The following SYNE1 variants were observed in gnomAD, a reference collection of about 807,000 sequenced individuals.
SYNE1 encodes the protein nesprin-1.
SYNE1 carries 616 observed loss-of-function variants against 1,111.0 expected under a neutral mutation model. The ratio of observed to expected loss-of-function variants is 0.55; its 90% confidence interval spans 0.52 to 0.59. The LOEUF (loss-of-function observed/expected upper bound fraction) is 0.59. Among genes scored for constraint, SYNE1 ranks in the 20% least tolerant of loss-of-function variants. The probability of loss-of-function intolerance (pLI) is 0.00; values close to 1 mark genes in which losing one functional copy is unlikely to be tolerated. For synonymous variants in SYNE1, 3,855 were observed against 3,825.8 expected (o/e 1.01, Z -0.28); for missense variants, 10,006 against 10,417.0 (o/e 0.96, Z 1.72).
At chr6:152,284,860 C>T (rs190567407) in intron 95 of SYNE1, among the ~76,000 whole-genome samples, 34 of 152,156 alleles carry the variant, frequency 2.2e-4, no homozygotes, top group Middle Eastern at 3.4e-3. Context: ...CAGCATTGAA[C>T]TCTAGTCCAA....
chr6:152,504,658 A>G (rs2154330586), intron 9 of SYNE1, among the ~76,000 whole-genome samples: 1 of 152,358 alleles, frequency 6.6e-6, no homozygotes, highest in South Asian at 2.1e-4. Context: ...AAGTTTATCA[A>G]AGGCATCTAA....
intron 130 of SYNE1, among the ~76,000 whole-genome samples, chr6:152,169,979 T>C (rs915850645): frequency 6.6e-6 from 1 of 152,156 alleles, no homozygotes; most frequent in African/African-American, 2.4e-5. Context: ...AGAAATATAT[T>C]GGTTATGAAT....
intron 3 of SYNE1, among the ~76,000 whole-genome samples, chr6:152,576,231 C>T (rs192584817): frequency 2.4e-3 from 368 of 152,272 alleles, no homozygotes; most frequent in African/African-American, 8.0e-3. Flanking sequence ...ACTTGCTTTG[C>T]GTGAGCCAGT....
chr6:152,211,383 C>T, intron 124 of SYNE1, 111 bp downstream of exon 124: 2 of 863,704 alleles, frequency 2.3e-6, no homozygotes, highest in African/African-American at 1.7e-5. Context: ...GGCCCCACTA[C>T]AGTTCAATTG....
At chr6:152,494,789 G>A (rs1479915521) in intron 11 of SYNE1, among the ~76,000 whole-genome samples, 1 of 152,156 alleles carries the variant, frequency 6.6e-6, no homozygotes, top group Non-Finnish European at 1.5e-5. Flanking sequence ...GGAAGCTGGA[G>A]TCCTTCACTG....
chr6:152,154,202 G>A (rs2152934982), intron 133 of SYNE1, among the ~76,000 whole-genome samples: 1 of 152,246 alleles, frequency 6.6e-6, no homozygotes, highest in South Asian at 2.1e-4. Context: ...CAGCTGAGAA[G>A]TCAGAGCTTC....
At chr6:152,586,967 C>T (rs982900761) in intron 3 of SYNE1, among the ~76,000 whole-genome samples, 3 of 152,102 alleles carry the variant, frequency 2.0e-5, no homozygotes, top group Non-Finnish European at 4.4e-5. Flanking sequence ...GAAAGAAAAT[C>T]GGTCTGTATT....
At chr6:152,426,856 G>A (rs1252574011) in intron 38 of SYNE1, among the ~76,000 whole-genome samples, 2 of 152,172 alleles carry the variant, frequency 1.3e-5, no homozygotes, top group African/African-American at 4.8e-5. Flanking sequence ...TTAAAGGTGG[G>A]GCCACAGATT....
Position 152,350,313 on chromosome 6 carries a change from G to A in SYNE1, c.11756C>T (p.Ala3919Val), listed in dbSNP as rs114367594. The change falls in exon 72 of 146, where the codon GCG becomes GTG. Residue 3919 changes from alanine (A) to valine (V), a missense_variant. This residue lies in a region of SYNE1 where 4,955 missense variants were observed against 5,017.2 expected (regional missense o/e 0.99). Transcript: ENST00000367255. ...GTAGTCTTCATGGTCTTTGACTTTC[G>A]CCTCCAGACTGAAGACATGCTCCTG... The part of the protein sequence containing the change: ...IGKEHVFSLE[A>V]KVKDHEDYNS... 7.1e-4 allele frequency: 1,152 copies of A among 1,614,052 alleles called. 8 individuals carry two copies. In the African/African-American group the frequency reaches 0.013, roughly 18 times the overall value.
intron 3 of SYNE1, among the ~76,000 whole-genome samples, chr6:152,608,951 A>AT (rs947437963): frequency 1.4e-5 from 1 of 70,916 alleles, no homozygotes; most frequent in African/African-American, 6.3e-5. Context: ...AAAAATAAAA[A>AT]AAAATCAGAG....
At chr6:152,606,614 A>G (rs6909384) in intron 3 of SYNE1, among the ~76,000 whole-genome samples, 15,172 of 152,118 alleles carry the variant, frequency 0.1, 865 homozygotes, top group African/African-American at 0.16. Flanking sequence ...AAAGTTTTCA[A>G]AAGAGAGTGT....
chr6:152,239,558 C>G lies in SYNE1; in HGVS notation c.20042G>C (p.Gly6681Ala). Residue 6681 changes from glycine to alanine, a missense_variant, in exon 108 of 146, where the codon GGT becomes GCT. This residue lies in a region of SYNE1 where 2,182 missense variants were observed against 2,287.8 expected (regional missense o/e 0.95). Coordinates refer to ENST00000367255, the MANE Select transcript of SYNE1 (RefSeq NM_182961.4). Reference protein sequence around the residue: ...SAVLKRAHKRGVELEYILETW... With the variant: ...SAVLKRAHKRAVELEYILETW... ...CTCTAGAATGTACTCCAGCTCCACA[C>G]CCCTCTTGTGAGCCCGTTTCAGTAC... The G allele has an allele frequency of 6.2e-7, 1 of 1,614,194 alleles. No homozygotes were observed. The highest frequency in any genetic ancestry group is 8.5e-7 in the Non-Finnish European group (1 of 1,180,036).
rs214944 is a variant in SYNE1 at position 152,391,617 on chromosome 6, C to T, written c.7713-49G>A. 0.39 allele frequency: 584,389 copies of T among 1,482,530 alleles called. 126,375 individuals are homozygous for T. Among genetic ancestry groups the T allele is most frequent in the East Asian group, 0.77 (30,131 of 39,212 alleles). 91.8% of individuals were successfully genotyped at this position (1,482,530 alleles called of 1,614,324 possible). ...AAAGAAAAAAAATTAATTCTGACAT[C>T]CTGGAGTGCAGGGGAGTGACAAATG... is the stretch of plus-strand genomic sequence containing the variant. On this transcript the variant is annotated intron_variant, in intron 51 of 145. Transcript: ENST00000367255.
At chr6:152,165,353 G>A (rs1214874130) in intron 130 of SYNE1, among the ~76,000 whole-genome samples, 2 of 152,108 alleles carry the variant, frequency 1.3e-5, no homozygotes, top group African/African-American at 4.8e-5. Context: ...TCTCTCAAGT[G>A]AAAATGTAGT....
At chr6:152,245,771 G>A (rs531455474) in intron 105 of SYNE1, among the ~76,000 whole-genome samples, 1 of 152,282 alleles carries the variant, frequency 6.6e-6, no homozygotes, top group Admixed American at 6.5e-5. Context: ...AGTAAGGAGG[G>A]TTAGTGAAGA....
At chr6:152,194,339 T>C (rs189394109) in intron 127 of SYNE1, among the ~76,000 whole-genome samples, 25 of 152,346 alleles carry the variant, frequency 1.6e-4, no homozygotes, top group Non-Finnish European at 2.6e-4. Context: ...CTTTCTCCTG[T>C]TCGGTAAGGT....
At chr6:152,523,435 C>G (rs1220672621) in intron 5 of SYNE1, among the ~76,000 whole-genome samples, 1 of 152,114 alleles carries the variant, frequency 6.6e-6, no homozygotes, top group Non-Finnish European at 1.5e-5. Context: ...ATACCAGTAT[C>G]ATGCTGTGTT....
In SYNE1 at chr6:152,164,477, T is replaced by G. The variant is rs568803637; in HGVS notation, c.23628-152A>C. ...GCCAAAGACAGAAGACAAAGGAGGA[T>G]AGAAATTAGAGATGAATACAGACAA... On this transcript the variant is annotated intron_variant, in intron 130 of 145. Transcript: ENST00000367255. The G allele has an allele frequency of 1.6e-4, 147 of 899,866 alleles. No individual in the cohort carries two copies. In the East Asian group the frequency reaches 3.8e-3, roughly 23 times the overall value. The allele number at this position is 899,866 out of a possible 1,614,324, so 55.7% of individuals were successfully genotyped here.
intron 16 of SYNE1, among the ~76,000 whole-genome samples, chr6:152,467,578 G>A (rs2098778472): frequency 6.6e-6 from 1 of 152,106 alleles, no homozygotes. Context: ...TGGTTCATAG[G>A]AAGACTTAAA....
Sources: gnomAD v4.1 joint callset for allele counts (sites outside exome capture counted in the v4.1 genomes callset) on GRCh38, gnomAD v4.1.1 for gene constraint, gnomAD v4.1.1 regional missense constraint, MANE v1.5 for transcripts, NCBI Gene and HGNC (gene_info 2026-07-23, HGNC 2026-07-21) for gene names.